The following SEMA6D variants were observed in gnomAD, a reference collection of about 807,000 sequenced individuals.
SEMA6D encodes semaphorin 6D.
A neutral mutation model predicts 106.6 loss-of-function variants in SEMA6D; 35 were observed. The observed-to-expected ratio is 0.33, with a 90% CI of 0.25 to 0.44. The LOEUF (loss-of-function observed/expected upper bound fraction) is 0.44, where lower values mean the gene tolerates loss of function less well. SEMA6D is among the 20% of genes least tolerant of loss of function. SEMA6D has a pLI of 1.00. For synonymous variants in SEMA6D, 499 were observed against 487.7 expected (o/e 1.02, Z -0.31); for missense variants, 1,185 against 1,345.9 (o/e 0.88, Z 1.87).
At chr15:47,730,428 C>T (rs2080041485) in intron 1 of SEMA6D, 1 of 1,421,790 alleles carries the variant, frequency 7.0e-7, no homozygotes. Flanking sequence ...CGACACAGGG[C>T]AGGCAAGAAG....
chr15:47,506,771 A>G (rs555026980), intron 3 of SEMA6D, among the ~76,000 whole-genome samples: 8 of 152,124 alleles, frequency 5.3e-5, no homozygotes, highest in Non-Finnish European at 1.0e-4. Context: ...GGAGTGCCAT[A>G]CCCATTGAGA....
At chr15:47,559,080 C>T (rs901136580) in intron 3 of SEMA6D, among the ~76,000 whole-genome samples, 1 of 152,004 alleles carries the variant, frequency 6.6e-6, no homozygotes, top group Admixed American at 6.6e-5. Flanking sequence ...AATGAAGATT[C>T]GATCCATTTT....
intron 2 of SEMA6D, among the ~76,000 whole-genome samples, chr15:47,466,627 C>A (rs2042667926): frequency 6.6e-6 from 1 of 151,934 alleles, no homozygotes; most frequent in Admixed American, 6.6e-5. Context: ...TGGGAGTGCA[C>A]ATATCTCTTT....
chr15:47,556,834 T>C (rs2142554855), intron 3 of SEMA6D, among the ~76,000 whole-genome samples: 1 of 152,230 alleles, frequency 6.6e-6, no homozygotes, highest in Middle Eastern at 3.4e-3. Context: ...ATGGTGTTTT[T>C]GTGTGCCTAA....
intron 1 of SEMA6D, among the ~76,000 whole-genome samples, chr15:47,327,051 T>C (rs2037160757): frequency 6.6e-6 from 1 of 152,134 alleles, no homozygotes; most frequent in African/African-American, 2.4e-5. Flanking sequence ...GATGATCAGG[T>C]ATTGATTATA....
chr15:47,346,941 C>G (rs960515196), intron 1 of SEMA6D, among the ~76,000 whole-genome samples: 3 of 151,708 alleles, frequency 2.0e-5, no homozygotes, highest in African/African-American at 7.3e-5. Context: ...GATGGAGTCT[C>G]TCTGTCACCC....
intron 4 of SEMA6D, among the ~76,000 whole-genome samples, chr15:47,609,222 A>G (rs888226347): frequency 6.6e-6 from 1 of 152,190 alleles, no homozygotes; most frequent in Admixed American, 6.5e-5. Context: ...TGTTACCTTT[A>G]CAGCCCATTA....
intron 3 of SEMA6D, among the ~76,000 whole-genome samples, chr15:47,492,803 A>G (rs1351796511): frequency 6.6e-6 from 1 of 152,146 alleles, no homozygotes; most frequent in Non-Finnish European, 1.5e-5. Context: ...CAGTATTACA[A>G]TAACCTTACA....
intron 1 of SEMA6D, among the ~76,000 whole-genome samples, chr15:47,240,483 C>T (rs924161588): frequency 1.3e-5 from 2 of 152,174 alleles, no homozygotes; most frequent in African/African-American, 4.8e-5. Flanking sequence ...CTCCTTTCTT[C>T]ATCTATGAAG....
intron 1 of SEMA6D, among the ~76,000 whole-genome samples, chr15:47,731,337 T>C (rs1419926212): frequency 1.3e-5 from 2 of 148,592 alleles, no homozygotes; most frequent in Admixed American, 1.3e-4. Context: ...GTTGAACACA[T>C]AGAACTGAGA....
intron 1 of SEMA6D, among the ~76,000 whole-genome samples, chr15:47,283,711 G>A (rs2035235390): frequency 6.6e-6 from 1 of 152,162 alleles, no homozygotes; most frequent in African/African-American, 2.4e-5. Context: ...GGCTACACCA[G>A]AAACACAGCA....
At chr15:47,425,249 T>A (rs980345084) in intron 2 of SEMA6D, among the ~76,000 whole-genome samples, 17 of 152,172 alleles carry the variant, frequency 1.1e-4, no homozygotes, top group African/African-American at 4.1e-4. Flanking sequence ...TACATTATTT[T>A]GGGGGAGGAA....
intron 4 of SEMA6D, among the ~76,000 whole-genome samples, chr15:47,620,860 A>G (rs775649609): frequency 9.9e-5 from 15 of 152,056 alleles, no homozygotes; most frequent in Non-Finnish European, 2.2e-4. Context: ...TAAGACTCCA[A>G]TCTGTCCCCA....
At position 47,650,034 on chromosome 15, in the gene SEMA6D, C is replaced by T. The variant is rs187216210; in HGVS notation, c.-55+49138C>T. 4.6e-3 allele frequency among the ~76,000 whole-genome samples: 704 copies of T among 152,308 alleles called. 1 individual carries two copies. Among genetic ancestry groups the T allele is most frequent in the African/African-American group, 0.016 (663 of 41,558 alleles). ...CACATGCCCTCTTCTCAGCTACCACCACCTCTGCATAGACAACATATACTG... is the reference window on the plus strand; with the variant it reads ...CACATGCCCTCTTCTCAGCTACCACTACCTCTGCATAGACAACATATACTG... On this transcript the variant is annotated intron_variant, in intron 4 of 19. Transcript: ENST00000558014.
At chr15:47,478,361 G>A (rs2043056953) in intron 3 of SEMA6D, among the ~76,000 whole-genome samples, 1 of 152,112 alleles carries the variant, frequency 6.6e-6, no homozygotes, top group South Asian at 2.1e-4. Flanking sequence ...GTCACTAATG[G>A]CATGTAATTA....
chr15:47,193,872 CT>C (rs1288367371), intron 1 of SEMA6D, among the ~76,000 whole-genome samples: 1 of 152,040 alleles, frequency 6.6e-6, no homozygotes, highest in Non-Finnish European at 1.5e-5. Context: ...CTTATTGTCT[CT>C]TTAATAGACC....
At chr15:47,382,638 A>G (rs956538714) in intron 1 of SEMA6D, among the ~76,000 whole-genome samples, 3 of 152,268 alleles carry the variant, frequency 2.0e-5, no homozygotes, top group African/African-American at 7.2e-5. Flanking sequence ...TAGGTAGAAT[A>G]TAGACATGGC....
chr15:47,478,639 CT>C (rs1243610087), intron 3 of SEMA6D, among the ~76,000 whole-genome samples: 6 of 152,246 alleles, frequency 3.9e-5, no homozygotes, highest in African/African-American at 1.2e-4. Context: ...CAAAAACAGC[CT>C]TCAGAAATAA....
intron 1 of SEMA6D, among the ~76,000 whole-genome samples, chr15:47,311,559 T>C (rs1360910437): frequency 6.6e-6 from 1 of 152,192 alleles, no homozygotes; most frequent in Non-Finnish European, 1.5e-5. Flanking sequence ...AGAGTGATAT[T>C]TACCCTGAAG....
Sources: gnomAD v4.1 joint callset for allele counts (sites outside exome capture counted in the v4.1 genomes callset) on GRCh38, gnomAD v4.1.1 for gene constraint, MANE v1.5 for transcripts, NCBI Gene and HGNC (gene_info 2026-07-23, HGNC 2026-07-21) for gene names.